FCHO2: variants seen among roughly 807,000 people sequenced by gnomAD.
FCHO2 encodes F-BAR domain only protein 2.
A neutral mutation model predicts 114.1 loss-of-function variants in FCHO2; 43 were observed. The ratio of observed to expected loss-of-function variants is 0.38; its 90% CI spans 0.30 to 0.49. The LOEUF (loss-of-function observed/expected upper bound fraction) is 0.49. Ranked by LOEUF, FCHO2 falls within the 20% of genes least tolerant of loss-of-function variation. The probability of loss-of-function intolerance (pLI) is 0.97; values close to 1 mark genes in which losing one functional copy is unlikely to be tolerated. For synonymous variants in FCHO2, 293 were observed against 315.2 expected (o/e 0.93, Z 0.75); for missense variants, 807 against 950.4 (o/e 0.85, Z 1.98).
At chr5:72,968,394 C>T in intron 1 of FCHO2, 104 bp from the exon 2 acceptor site, 1 of 693,558 alleles carries the variant, frequency 1.4e-6, no homozygotes, top group Non-Finnish European at 2.2e-6. Flanking sequence ...ATGAAAACAC[C>T]TCACCTGAGC....
chr5:72,958,398 A>G (rs77658610), intron 1 of FCHO2, among the ~76,000 whole-genome samples: 3,808 of 152,222 alleles, frequency 0.025, 151 homozygotes, highest in African/African-American at 0.086. Context: ...TTCTTTTGCA[A>G]TTGTGTATCC....
chr5:73,035,515 T>G (rs1304616792), intron 9 of FCHO2, among the ~76,000 whole-genome samples: 1 of 152,106 alleles, frequency 6.6e-6, no homozygotes, highest in African/African-American at 2.4e-5. Context: ...TGTTTTTATT[T>G]TTTGGGAGAC....
intron 24 of FCHO2, among the ~76,000 whole-genome samples, chr5:73,083,351 TTGAG>T (rs1561499343): frequency 1.3e-5 from 2 of 152,240 alleles, no homozygotes; most frequent in Admixed American, 6.5e-5. Context: ...TTCATCTAGA[TTGAG>T]TATGTGTTCT....
At chr5:73,033,382 T>G (rs991044496) in intron 8 of FCHO2, among the ~76,000 whole-genome samples, 1 of 152,124 alleles carries the variant, frequency 6.6e-6, no homozygotes, top group Non-Finnish European at 1.5e-5. Context: ...AAATAAATCT[T>G]AGGTTTAGGG....
chr5:72,977,726 T>C (rs1478156844), intron 2 of FCHO2, among the ~76,000 whole-genome samples: 1 of 152,208 alleles, frequency 6.6e-6, no homozygotes, highest in African/African-American at 2.4e-5. Context: ...TGCTTAGGTT[T>C]TCTTCTAGGG....
At chr5:72,990,368 C>T in intron 3 of FCHO2, 110 bp from the exon 4 acceptor site, 1 of 762,020 alleles carries the variant, frequency 1.3e-6, no homozygotes, top group South Asian at 2.2e-5. Flanking sequence ...CATCTTTTGC[C>T]TAAATAAAGT....
At chr5:73,065,712 T>C (rs1484090880) in intron 18 of FCHO2, among the ~76,000 whole-genome samples, 2 of 152,058 alleles carry the variant, frequency 1.3e-5, no homozygotes. Flanking sequence ...CTTGCAAATA[T>C]CTTTCTATAT....
intron 8 of FCHO2, among the ~76,000 whole-genome samples, chr5:73,024,966 C>G (rs973902919): frequency 6.6e-6 from 1 of 152,046 alleles, no homozygotes; most frequent in African/African-American, 2.4e-5. Context: ...AAAATACTTA[C>G]AGCTAGATGG....
chr5:73,077,196 A>C (rs1561496212), intron 20 of FCHO2, 142 bp from the exon 21 acceptor site: 4 of 522,740 alleles, frequency 7.7e-6, no homozygotes, highest in Middle Eastern at 5.2e-4. Context: ...AATAATCTAT[A>C]GTTATGATAA....
rs771019770 is a variant in FCHO2, at chr5:73,082,828, A to G, written c.2245+3A>G. 6.3e-6 allele frequency: 10 copies of G among 1,597,894 alleles called. No individual in the cohort carries two copies. Among genetic ancestry groups the G allele is most frequent in the Non-Finnish European group, 8.5e-6 (10 of 1,172,288 alleles). ...TTCAGAAAAATCAGAAAATGGAGGT[A>G]AGTGTGTGTGTCCTTTTTTATTTAT... On this transcript the variant is annotated splice_donor_region_variant and intron_variant, in intron 24 of 25. Coordinates refer to ENST00000430046, the MANE Select transcript of FCHO2 (RefSeq NM_138782.3).
At chr5:73,047,333 CCTT>C (rs1464855135) in intron 11 of FCHO2, among the ~76,000 whole-genome samples, 1 of 152,016 alleles carries the variant, frequency 6.6e-6, no homozygotes, top group African/African-American at 2.4e-5. Flanking sequence ...TTTCCTGTGT[CCTT>C]CTACCCCATT....
At chr5:73,006,264 G>T (rs1029455746) in intron 5 of FCHO2, among the ~76,000 whole-genome samples, 181 bp from the exon 6 acceptor site, 5 of 151,988 alleles carry the variant, frequency 3.3e-5, no homozygotes, top group African/African-American at 9.7e-5. Context: ...TGACTTCTTG[G>T]CTGACTGTAA....
chr5:73,081,673 C>T, intron 22 of FCHO2, 110 bp from the exon 23 acceptor site: 1 of 716,092 alleles, frequency 1.4e-6, no homozygotes, highest in Non-Finnish European at 2.1e-6. Context: ...ATAGTCCCCT[C>T]ATTAGATATT....
At chr5:73,083,060 T>C (rs1392783946) in intron 24 of FCHO2, among the ~76,000 whole-genome samples, 1 of 151,858 alleles carries the variant, frequency 6.6e-6, no homozygotes, top group Non-Finnish European at 1.5e-5. Flanking sequence ...GTTTGTTTTT[T>C]TTTTTAGTAG....
chr5:73,036,795 A>G (rs1446065332), intron 9 of FCHO2, among the ~76,000 whole-genome samples: 1 of 152,238 alleles, frequency 6.6e-6, no homozygotes, highest in African/African-American at 2.4e-5. Flanking sequence ...TTTGACGTTT[A>G]TAACAAAATT....
At chr5:72,993,618 G>C (rs758350984) in intron 5 of FCHO2, among the ~76,000 whole-genome samples, 18 of 152,026 alleles carry the variant, frequency 1.2e-4, no homozygotes, top group Non-Finnish European at 1.9e-4. Context: ...TGATGGTATT[G>C]TATAGTCATG....
chr5:72,988,891 T>G, intron 2 of FCHO2, among the ~76,000 whole-genome samples: 1 of 152,162 alleles, frequency 6.6e-6, no homozygotes, highest in Non-Finnish European at 1.5e-5. Flanking sequence ...GTACTAAAGA[T>G]AAAAAGAGTT....
chr5:73,083,623 G>A (rs1485853339), intron 24 of FCHO2, among the ~76,000 whole-genome samples: 1 of 152,122 alleles, frequency 6.6e-6, no homozygotes, highest in Non-Finnish European at 1.5e-5. Flanking sequence ...CCGGCACAGT[G>A]GCTCACGCTT....
chr5:73,015,583 C>T (rs748882836), intron 6 of FCHO2, 43 bp from the exon 7 acceptor site: 1 of 1,144,262 alleles, frequency 8.7e-7, no homozygotes, highest in Admixed American at 2.4e-5. Context: ...TATGTATGTA[C>T]CTGTATATGT....
Sources: gnomAD v4.1 joint callset for allele counts (sites outside exome capture counted in the v4.1 genomes callset) on GRCh38, gnomAD v4.1.1 for gene constraint, MANE v1.5 for transcripts, NCBI Gene and HGNC (gene_info 2026-07-23, HGNC 2026-07-21) for gene names.